Variants in KDM4B observed in about 807,000 individuals in gnomAD.
KDM4B encodes lysine-specific demethylase 4B.
Under a neutral mutation model 125.2 loss-of-function variants are expected in KDM4B, and 32 were observed. That is an observed-to-expected ratio of 0.26 (90% CI 0.19 to 0.34). The LOEUF (loss-of-function observed/expected upper bound fraction) is 0.34, where lower values mean the gene tolerates loss of function less well. Among genes scored for constraint, KDM4B ranks in the 10% least tolerant of loss-of-function variants. The probability of loss-of-function intolerance (pLI) is 1.00; values close to 1 mark genes in which losing one functional copy is unlikely to be tolerated. For synonymous variants in KDM4B, 721 were observed against 677.9 expected (o/e 1.06, Z -0.99); for missense variants, 1,190 against 1,577.7 (o/e 0.75, Z 4.16).
intron 9 of KDM4B, among the ~76,000 whole-genome samples, chr19:5,084,284 A>G (rs1287016743): frequency 6.8e-6 from 1 of 146,666 alleles, no homozygotes; most frequent in East Asian, 2.0e-4. Flanking sequence ...TATGTAATTT[A>G]TATGTTATAT....
chr19:5,040,098 A>T, intron 4 of KDM4B, 87 bp downstream of exon 4: 1 of 1,379,140 alleles, frequency 7.3e-7, no homozygotes, highest in East Asian at 2.5e-5. Context: ...AAGGTGCGGT[A>T]CACGCAGCCC....
At chr19:5,134,707 C>T (rs1251163406) in intron 14 of KDM4B, among the ~76,000 whole-genome samples, 1 of 152,354 alleles carries the variant, frequency 6.6e-6, no homozygotes, top group African/African-American at 2.4e-5. Flanking sequence ...GTCCAGGCAT[C>T]AGCAGAGCTG....
At position 5,041,128 on chromosome 19, in the gene KDM4B, G is replaced by A; in HGVS notation, c.318-9G>A. On this transcript the variant is annotated splice_polypyrimidine_tract_variant and intron_variant, in intron 4 of 22. Transcript: ENST00000159111. ...ACCCTGAGCTGGTTTTGGGGTGTTTGTTCACCAGGTACTGTACCCCGCGGC... is the reference window on the plus strand; with the variant it reads ...ACCCTGAGCTGGTTTTGGGGTGTTTATTCACCAGGTACTGTACCCCGCGGC... 1.9e-6 allele frequency: 3 copies of A among 1,593,696 alleles called. No homozygotes were observed. Among genetic ancestry groups the A allele is most frequent in the South Asian group, 1.1e-5 (1 of 90,482 alleles).
intron 1 of KDM4B, among the ~76,000 whole-genome samples, chr19:4,987,049 A>G (rs1389856186): frequency 4.0e-5 from 6 of 151,060 alleles, no homozygotes; most frequent in Non-Finnish European, 7.4e-5. Flanking sequence ...ACCTCTGCCT[A>G]CTGGGTTCAA....
intron 21 of KDM4B, among the ~76,000 whole-genome samples, chr19:5,148,399 G>C (rs115631692): frequency 6.6e-6 from 1 of 152,178 alleles, no homozygotes; most frequent in Admixed American, 6.5e-5. Flanking sequence ...CCTCCTAGGC[G>C]GTTCTGTGCT....
chr19:5,014,088 A>G (rs2035814881), intron 1 of KDM4B, among the ~76,000 whole-genome samples: 1 of 152,286 alleles, frequency 6.6e-6, no homozygotes, highest in South Asian at 2.1e-4. Flanking sequence ...TAAAAAGCAG[A>G]TTAAAATAAC....
At chr19:5,027,461 C>G (rs1312852178) in intron 2 of KDM4B, among the ~76,000 whole-genome samples, 1 of 152,132 alleles carries the variant, frequency 6.6e-6, no homozygotes, top group Non-Finnish European at 1.5e-5. Flanking sequence ...CCAGTTTCCT[C>G]TCTTCTTTTG....
intron 11 of KDM4B, among the ~76,000 whole-genome samples, chr19:5,125,051 C>T (rs530195646): frequency 2.6e-5 from 4 of 152,180 alleles, no homozygotes; most frequent in South Asian, 2.1e-4. Flanking sequence ...GGACGTGCAC[C>T]GCAACTCCGC....
chr19:5,132,075 G>T (rs954510121), intron 13 of KDM4B, 68 bp downstream of exon 13: 42 of 1,484,174 alleles, frequency 2.8e-5, no homozygotes, highest in Admixed American at 4.9e-5. Context: ...CTGGAGGGGG[G>T]GCCTGGCTCC....
intron 1 of KDM4B, among the ~76,000 whole-genome samples, chr19:5,014,545 G>C (rs2035832404): frequency 6.6e-6 from 1 of 152,050 alleles, no homozygotes; most frequent in Non-Finnish European, 1.5e-5. Context: ...AAAGTGCTGG[G>C]ATTACAGGCG....
At chr19:5,030,732 C>T (rs953889093) in intron 2 of KDM4B, among the ~76,000 whole-genome samples, 1 of 152,256 alleles carries the variant, frequency 6.6e-6, no homozygotes, top group Non-Finnish European at 1.5e-5. Flanking sequence ...CCACAACTGC[C>T]CCTCGTGGGC....
chr19:5,006,197 T>C (rs907084068), intron 1 of KDM4B, among the ~76,000 whole-genome samples: 3 of 151,854 alleles, frequency 2.0e-5, no homozygotes, highest in African/African-American at 7.3e-5. Context: ...CCGCAGCCTC[T>C]CCCTGTCCCC....
chr19:5,104,240 T>C (rs1466026799), intron 9 of KDM4B, among the ~76,000 whole-genome samples: 2 of 152,188 alleles, frequency 1.3e-5, no homozygotes, highest in Non-Finnish European at 2.9e-5. Context: ...CACCTGCCCC[T>C]TTCTGCTCCC....
At chr19:5,147,794 G>A (rs1435561267) in intron 21 of KDM4B, among the ~76,000 whole-genome samples, 11 of 151,986 alleles carry the variant, frequency 7.2e-5, no homozygotes, top group Admixed American at 7.2e-4. Flanking sequence ...GGGCGGGGGG[G>A]CAGAGGCTGT....
chr19:5,097,080 C>T (rs933192699), intron 9 of KDM4B, among the ~76,000 whole-genome samples: 15 of 151,844 alleles, frequency 9.9e-5, no homozygotes, highest in African/African-American at 3.4e-4. Flanking sequence ...CCATGGCCAT[C>T]GGGTGATGGG....
chr19:5,122,265 C>T lies in KDM4B; in HGVS notation c.1315+2413C>T, dbSNP rs370029746. Among the ~76,000 whole-genome samples, 59 of 152,332 alleles carry T rather than the reference C, an allele frequency of 3.9e-4. No homozygotes were observed. In the South Asian group the frequency reaches 4.2e-3, roughly 11 times the overall value. On this transcript the variant is annotated intron_variant, in intron 11 of 22. Transcript: ENST00000159111. ...TTCACAGCCACAGTGCAGCCTCTTC[C>T]GGTCTCTCTCTGACTCTTACCCTCC... is the stretch of plus-strand genomic sequence containing the variant.
intron 2 of KDM4B, among the ~76,000 whole-genome samples, chr19:5,019,877 G>C (rs370868533): frequency 2.1e-5 from 3 of 144,192 alleles, no homozygotes; most frequent in South Asian, 4.6e-4. Context: ...TGGGTGTGCA[G>C]GTGTTGGTGT....
rs185457909 is a variant in KDM4B, at chr19:5,018,916, C to T, written c.-26+2577C>T. Among the ~76,000 whole-genome samples the T allele has an allele frequency of 1.5e-3, 221 of 152,336 alleles. 1 individual carries two copies. Among genetic ancestry groups the T allele is most frequent in the African/African-American group, 4.7e-3 (195 of 41,574 alleles). On this transcript the variant is annotated intron_variant, in intron 2 of 22. Transcript: ENST00000159111. ...GCCTTGCTCCATTTCATGGCTGAGT[C>T]GCGTTCTGCTGTGTGTGGTGCCGGG...
chr19:5,010,954 T>C, intron 1 of KDM4B, among the ~76,000 whole-genome samples: 1 of 152,214 alleles, frequency 6.6e-6, no homozygotes, highest in East Asian at 1.9e-4. Context: ...GGCGCTCAAT[T>C]GCATTTCACA....
Sources: allele counts gnomAD v4.1 joint callset (sites outside exome capture counted in the v4.1 genomes callset), GRCh38; gene constraint gnomAD v4.1.1; transcripts MANE v1.5; gene names NCBI Gene and HGNC (gene_info 2026-07-23, HGNC 2026-07-21).